The following PRB3 variants were observed in gnomAD, a reference collection of about 807,000 sequenced individuals.
PRB3 encodes the protein basic salivary proline-rich protein 3.
PRB3 carries 9 observed loss-of-function variants against 10.0 expected under a neutral mutation model. The ratio of observed to expected loss-of-function variants is 0.90; its 90% confidence interval spans 0.54 to 1.57. PRB3 has a LOEUF of 1.57. Ranked by LOEUF, PRB3 falls within the 40% of genes most tolerant of loss-of-function variation. The pLI is 0.00. For synonymous variants in PRB3, 89 were observed against 138.6 expected (o/e 0.64, Z 2.52); for missense variants, 285 against 385.5 (o/e 0.74, Z 2.18).
chr12:11,267,940 G>A lies in PRB3; in HGVS notation c.309C>T (p.Pro103=). The change falls in exon 3 of 4, where the codon CCC becomes CCT. Residue 103 remains proline, a synonymous_variant. Coordinates refer to ENST00000538488, the MANE Select transcript of PRB3 (RefSeq NM_001394862.1). ...CTTGGGACTGGTTTCCTCCTTGTGG[G>A]GGTTGTCCTTCTGGCTTTCCCGGAC... ...PPRPGKPEGQ[P]PQGGNQSQGP... is the part of the protein sequence containing the mutation. The A allele has an allele frequency of 6.5e-7, 1 of 1,546,188 alleles. No homozygotes were observed. The highest frequency in any genetic ancestry group is 8.7e-7 in the Non-Finnish European group (1 of 1,149,762).
chr12:11,267,275 G>A lies in PRB3; in HGVS notation c.974C>T (p.Pro325Leu). Residue 325 changes from proline (P) to leucine (L), a missense_variant, in exon 3 of 4, where the codon CCC becomes CTC. By Grantham distance (98) the Pro-to-Leu change is moderately conservative. Transcript: ENST00000538488. ...GGNPQQPLPPPAGKPQGPPPP... is the reference protein window; with the variant it reads ...GGNPQQPLPPLAGKPQGPPPP... ...AGGTGGTCCCTGGGGCTTTCCAGCG[G>A]GAGGTGGCAGAGGCTGCTGGGGATT... 1 of 1,613,432 alleles carries A rather than the reference G, an allele frequency of 6.2e-7. No individual in the cohort carries two copies. Among genetic ancestry groups the A allele is most frequent in the Non-Finnish European group, 8.5e-7 (1 of 1,179,574 alleles).
In PRB3 at chr12:11,267,285, G is replaced by A. The variant is rs1948595825; in HGVS notation, c.964C>T (p.Leu322=). Residue 322 remains leucine, a synonymous_variant, in exon 3 of 4, where the codon CTG becomes TTG. Coordinates refer to ENST00000538488, the MANE Select transcript of PRB3 (RefSeq NM_001394862.1). The part of the protein sequence containing the change: ...PPPGGNPQQP[L]PPPAGKPQGP... ...TGGGGCTTTCCAGCGGGAGGTGGCA[G>A]AGGCTGCTGGGGATTGCCTCCTGGT... The A allele has an allele frequency of 6.2e-7, 1 of 1,613,204 alleles. No individual in the cohort carries two copies. The highest frequency in any genetic ancestry group is 1.3e-5 in the African/African-American group (1 of 74,898).
At chr12:11,266,588 A>T (rs1948589058) in intron 3 of PRB3, among the ~76,000 whole-genome samples, 1 of 152,252 alleles carries the variant, frequency 6.6e-6, no homozygotes, top group Non-Finnish European at 1.5e-5. Context: ...ATGCACACAT[A>T]AATATTTCAA....
chr12:11,269,600 T>C lies in PRB3; in HGVS notation c.64+6A>G, dbSNP rs764270635. On this transcript the variant is annotated splice_donor_region_variant and intron_variant, in intron 1 of 3. Coordinates refer to ENST00000538488, the MANE Select transcript of PRB3 (RefSeq NM_001394862.1). ...GTCACCACATCTTCTCCTCCTTCTG[T>C]CTTACCTTCATTTAAGCTCTGAGCT... 6.2e-7 allele frequency: 1 copy of C among 1,613,832 alleles called. No individual in the cohort carries two copies. The highest frequency in any genetic ancestry group is 1.3e-5 in the African/African-American group (1 of 74,928).
In PRB3 at chr12:11,267,262, G is replaced by A. The variant is rs754850693; in HGVS notation, c.987C>T (p.Pro329=). 1.9e-6 allele frequency: 3 copies of A among 1,613,648 alleles called. No individual in the cohort carries two copies. Among genetic ancestry groups the A allele is most frequent in the South Asian group, 1.1e-5 (1 of 91,032 alleles). The part of the protein sequence containing the change: ...QQPLPPPAGK[P]QGPPPPPQGG... ...CTTGAGGAGGTGGAGGTGGTCCCTGGGGCTTTCCAGCGGGAGGTGGCAGAG... is the reference window on the plus strand; with the variant it reads ...CTTGAGGAGGTGGAGGTGGTCCCTGAGGCTTTCCAGCGGGAGGTGGCAGAG... Residue 329 remains proline, a synonymous_variant, in exon 3 of 4, where the codon CCC becomes CCT. Transcript: ENST00000538488.
Position 11,267,207 on chromosome 12 carries a change from G to T in PRB3, c.1042C>A (p.Gln348Lys), listed in dbSNP as rs777346838. 6.2e-7 allele frequency: 1 copy of T among 1,613,480 alleles called. No homozygotes were observed. The highest frequency in any genetic ancestry group is 8.5e-7 in the Non-Finnish European group (1 of 1,179,406). ...TTGAACCTTGATTACTGGGGAGGCTGTCCCTGGGGAGGTCTGTGTGGTCTG... is the reference window on the plus strand; with the variant it reads ...TTGAACCTTGATTACTGGGGAGGCTTTCCCTGGGGAGGTCTGTGTGGTCTG... Reference protein sequence around the residue: ...GGRPHRPPQGQPPQ With the variant: ...GGRPHRPPQGKPPQ The change falls in exon 3 of 4, where the codon CAG becomes AAG. Residue 348 changes from glutamine to lysine, a missense_variant. Around this residue, in one of 3 missense-constraint regions of PRB3, gnomAD observed 108 missense variants for 106.9 expected, o/e 1.01. Transcript: ENST00000538488.
At chr12:11,267,147 A>G (rs1948594293) in intron 3 of PRB3, 29 bp downstream of exon 3, 1 of 1,563,882 alleles carries the variant, frequency 6.4e-7, no homozygotes, top group Non-Finnish European at 8.8e-7. Flanking sequence ...CACTTAGAGC[A>G]CTTGGTGAAG....
intron 3 of PRB3, 55 bp downstream of exon 3, chr12:11,267,121 A>G (rs1948594025): frequency 6.7e-7 from 1 of 1,499,714 alleles, no homozygotes; most frequent in Non-Finnish European, 9.3e-7. Flanking sequence ...GGCACAATAA[A>G]GTTGGAGAAC....
Position 11,267,392 on chromosome 12 carries a change from C to A in PRB3, c.857G>T (p.Gly286Val). 1.9e-6 allele frequency: 3 copies of A among 1,603,936 alleles called. No homozygotes were observed. Among genetic ancestry groups the A allele is most frequent in the Non-Finnish European group, 2.5e-6 (3 of 1,178,066 alleles). ...NKPQGPPPHP[G>V]KPQGPPPQEG... ...TTGTGGGGGTGGTCCTTGTGGCTTT[C>A]CTGGATGAGGTGGGGGACCTTGAGG... is the stretch of plus-strand genomic sequence containing the variant. Residue 286 changes from glycine to valine, a missense_variant, in exon 3 of 4, where the codon GGA becomes GTA. By Grantham distance (109) the Gly-to-Val change is moderately radical. Coordinates refer to ENST00000538488, the MANE Select transcript of PRB3 (RefSeq NM_001394862.1).
rs1444789759 is a variant in PRB3 at position 11,268,065 on chromosome 12, G to A, written c.184C>T (p.Pro62Ser). 1.2e-6 allele frequency: 2 copies of A among 1,605,760 alleles called. No homozygotes were observed. The highest frequency in any genetic ancestry group is 1.3e-5 in the African/African-American group (1 of 74,316). Reference sequence around the variant, plus strand: ...CCTTGGGACTGGTTGCCTCCTTGTGGGGGTCGTCCTTCTGGCTTTCCTGGA... The same window carrying A: ...CCTTGGGACTGGTTGCCTCCTTGTGAGGGTCGTCCTTCTGGCTTTCCTGGA... ...PPPGKPEGRP[P>S]QGGNQSQGPP... The change falls in exon 3 of 4, where the codon CCA becomes TCA. Residue 62 changes from proline (P) to serine (S), a missense_variant. Transcript: ENST00000538488.
chr12:11,268,722 T>C, intron 1 of PRB3, 54 bp from the exon 2 acceptor site: 1 of 1,561,000 alleles, frequency 6.4e-7, no homozygotes, highest in Non-Finnish European at 8.8e-7. Flanking sequence ...TTTTGCAAGA[T>C]TCACAGGTGT....
At chr12:11,268,834 G>A in intron 1 of PRB3, 166 bp from the exon 2 acceptor site, 2 of 876,598 alleles carry the variant, frequency 2.3e-6, no homozygotes, top group South Asian at 2.9e-5. Flanking sequence ...AGGTGTAAGG[G>A]GAGGCAGGGT....
At chr12:11,269,576 T>G (rs1218802601) in intron 1 of PRB3, 30 bp downstream of exon 1, 1 of 1,612,592 alleles carries the variant, frequency 6.2e-7, no homozygotes, top group Non-Finnish European at 8.5e-7. Context: ...CCAAGCAGAG[T>G]CACCACATCT....
In PRB3 at chr12:11,267,384, G is replaced by A; in HGVS notation, c.865C>T (p.Gln289Ter). ...QGPPPHPGKP[Q>*]GPPPQEGNKP... is the part of the protein sequence containing the mutation. ...TTACCTTCTTGTGGGGGTGGTCCTT[G>A]TGGCTTTCCTGGATGAGGTGGGGGA... The change falls in exon 3 of 4, where the codon CAA (glutamine) becomes TAA (stop). Residue 289 changes from glutamine to a stop codon, truncating the protein, a stop_gained. Coordinates refer to ENST00000538488, the MANE Select transcript of PRB3 (RefSeq NM_001394862.1). LOFTEE classifies it low-confidence loss of function (END_TRUNC). 6.4e-7 allele frequency: 1 copy of A among 1,567,400 alleles called. No individual in the cohort carries two copies. The highest frequency in any genetic ancestry group is 8.7e-7 in the Non-Finnish European group (1 of 1,154,672).
In PRB3 at chr12:11,267,344, G is replaced by T. The variant is rs1245209375; in HGVS notation, c.905C>A (p.Pro302His). The change falls in exon 3 of 4, where the codon CCC becomes CAC. Residue 302 changes from proline (P) to histidine (H), a missense_variant. Transcript: ENST00000538488. The part of the protein sequence containing the change: ...PPQEGNKPQR[P>H]PPPGRPQGPP... The stretch of plus-strand genomic sequence containing the variant: ...TCCTTGTGGCCTTCCTGGAGGAGGG[G>T]GACGTTGAGGTTTGTTACCTTCTTG... 2 of 1,611,856 alleles carry T rather than the reference G, an allele frequency of 1.2e-6. No homozygotes were observed. Among genetic ancestry groups the T allele is most frequent in the Admixed American group, 1.7e-5 (1 of 59,952 alleles).
chr12:11,267,057 T>G (rs928513537), intron 3 of PRB3, 119 bp downstream of exon 3: 53 of 1,064,250 alleles, frequency 5.0e-5, no homozygotes, highest in Non-Finnish European at 7.3e-5. Context: ...ATACAAATCT[T>G]TAGAAATGGG....
rs767290048 is a variant in PRB3, at chr12:11,268,079, G to C, written c.170C>G (p.Pro57Arg). Residue 57 changes from proline to arginine, a missense_variant, in exon 3 of 4, where the codon CCA (proline) becomes CGA (arginine). Transcript: ENST00000538488. ...PQRTPPPPGKPEGRPPQGGNQ... is the reference protein window; with the variant it reads ...PQRTPPPPGKREGRPPQGGNQ... ...GCCTCCTTGTGGGGGTCGTCCTTCT[G>C]GCTTTCCTGGAGGAGGTGGGGTACG... 6.2e-7 allele frequency: 1 copy of C among 1,612,986 alleles called. No homozygotes were observed.
chr12:11,267,111 G>A lies in PRB3; in HGVS notation c.*17+65C>T, dbSNP rs539268120. 109 of 1,456,008 alleles carry A rather than the reference G, an allele frequency of 7.5e-5. No homozygotes were observed. The African/African-American group carries it at 1.4e-3, about 19-fold the overall frequency. 90.2% of individuals were successfully genotyped at this position (1,456,008 alleles called of 1,614,324 possible). A position where few individuals can be genotyped will look rare whatever the true frequency, so the allele number is the denominator to read the frequency against. ...TCAATGGGTTTTTAGTTGATTCATT[G>A]GCACAATAAAGTTGGAGAACTGTAA... is the stretch of plus-strand genomic sequence containing the variant. On this transcript the variant is annotated intron_variant, in intron 3 of 3. Coordinates refer to ENST00000538488, the MANE Select transcript of PRB3 (RefSeq NM_001394862.1).
intron 3 of PRB3, among the ~76,000 whole-genome samples, chr12:11,266,666 G>A (rs761074426): frequency 1.3e-5 from 2 of 152,104 alleles, no homozygotes; most frequent in Non-Finnish European, 2.9e-5. Flanking sequence ...GATGAGCTAC[G>A]CCTTTAAAAT....
Sources: gnomAD v4.1 joint callset for allele counts (sites outside exome capture counted in the v4.1 genomes callset) on GRCh38, gnomAD v4.1.1 for gene constraint, gnomAD v4.1.1 regional missense constraint, MANE v1.5 for transcripts, NCBI Gene and HGNC (gene_info 2026-07-23, HGNC 2026-07-21) for gene names.